PDZD2: variants seen among roughly 807,000 people sequenced by gnomAD.
PDZD2 encodes PDZ domain containing 2.
Under a neutral mutation model 220.7 loss-of-function variants are expected in PDZD2, and 90 were observed. The observed-to-expected ratio is 0.41, with a 90% CI of 0.34 to 0.49. The LOEUF (loss-of-function observed/expected upper bound fraction) is 0.49, where lower values mean the gene tolerates loss of function less well. PDZD2 is among the 20% of genes least tolerant of loss of function. The pLI is 0.28. For missense variants in PDZD2, 3,174 were observed against 3,608.5 expected (o/e 0.88, Z 3.08); for synonymous variants, 1,375 against 1,450.5 (o/e 0.95, Z 1.18).
At chr5:31,752,001 T>C (rs1382734361) in intron 1 of PDZD2, among the ~76,000 whole-genome samples, 1 of 151,530 alleles carries the variant, frequency 6.6e-6, no homozygotes, top group East Asian at 1.9e-4. Flanking sequence ...CATACTCTCC[T>C]CATTTTCTCT....
chr5:31,687,780 G>A (rs761782721), intron 1 of PDZD2, among the ~76,000 whole-genome samples: 2 of 152,224 alleles, frequency 1.3e-5, no homozygotes, highest in Non-Finnish European at 2.9e-5. Context: ...GTGTCCTCAC[G>A]TGGCAGAGAG....
rs201862273 is a variant in PDZD2, at chr5:32,048,590, G to A, written c.1571G>A (p.Arg524Gln). The change falls in exon 8 of 25, where the codon CGG becomes CAG. Residue 524 changes from arginine (R) to glutamine (Q), a missense_variant. Coordinates refer to ENST00000438447, the MANE Select transcript of PDZD2 (RefSeq NM_178140.4). The stretch of plus-strand genomic sequence containing the variant: ...GAAGAATATAACGAGCTGATGGTGC[G>A]GAATGGGGACCCCCGGATCCGGATG... ...SVEEYNELMVRNGDPRIRMLE... is the reference protein window; with the variant it reads ...SVEEYNELMVQNGDPRIRMLE... 5.8e-5 allele frequency: 94 copies of A among 1,613,814 alleles called. No individual in the cohort carries two copies. The highest frequency in any genetic ancestry group is 1.2e-4 in the Admixed American group (7 of 59,998).
chr5:31,799,692 G>A lies in PDZD2; in HGVS notation c.444G>A (p.Gln148=). ...ATGAGATCCTCTCACTGAATGGGCA[G>A]CTGATGGTTGGAGTTGATGTCAGTG... ...LRDEILSLNG[Q]LMVGVDVSGA... The change falls in exon 2 of 25, where the codon CAG becomes CAA. Residue 148 remains glutamine (Q), a synonymous_variant. Coordinates refer to ENST00000438447, the MANE Select transcript of PDZD2 (RefSeq NM_178140.4). 1 of 1,613,810 alleles carries A rather than the reference G, an allele frequency of 6.2e-7. No homozygotes were observed. Among genetic ancestry groups the A allele is most frequent in the Non-Finnish European group, 8.5e-7 (1 of 1,179,786 alleles).
intron 2 of PDZD2, among the ~76,000 whole-genome samples, chr5:31,901,332 C>T (rs1415703205): frequency 6.6e-6 from 1 of 151,574 alleles, no homozygotes; most frequent in African/African-American, 2.4e-5. Context: ...GCGCAAGAAT[C>T]GCTTAAACCT....
chr5:32,088,738 G>A lies in PDZD2; in HGVS notation c.5290G>A (p.Val1764Ile), dbSNP rs1561556358. Residue 1764 changes from valine to isoleucine, a missense_variant, in exon 20 of 25, where the codon GTC (valine) becomes ATC (isoleucine). Coordinates refer to ENST00000438447, the MANE Select transcript of PDZD2 (RefSeq NM_178140.4). This position sits in a 1 kb window ranked among gnomAD's most constrained non-coding sequence, Gnocchi z 4.6. ...AASLSSFSVD[V>I]PKNGESVLEN... ...CAGTCTGTCCTCCTTCAGTGTGGAT[G>A]TCCCTAAGAATGGAGAATCTGTTTT... is the stretch of plus-strand genomic sequence containing the variant. 3 of 1,614,054 alleles carry A rather than the reference G, an allele frequency of 1.9e-6. No homozygotes were observed. Among genetic ancestry groups the A allele is most frequent in the East Asian group, 4.5e-5 (2 of 44,872 alleles).
chr5:31,959,384 A>T (rs1440011537), intron 2 of PDZD2, among the ~76,000 whole-genome samples: 3 of 140,568 alleles, frequency 2.1e-5, no homozygotes, highest in Non-Finnish European at 4.4e-5. Flanking sequence ...TTTGAGACAG[A>T]GTCTCACTCT....
intron 1 of PDZD2, among the ~76,000 whole-genome samples, chr5:31,664,183 T>C (rs1048329879): frequency 5.3e-5 from 8 of 152,096 alleles, no homozygotes; most frequent in African/African-American, 1.9e-4. Context: ...GTTTTGTTTT[T>C]TTGAGATGGG....
intron 1 of PDZD2, among the ~76,000 whole-genome samples, chr5:31,675,251 G>T (rs1746363071): frequency 6.6e-6 from 1 of 152,152 alleles, no homozygotes; most frequent in African/African-American, 2.4e-5. Flanking sequence ...TTGGAGGTAG[G>T]CTGAAGCCCC....
intron 1 of PDZD2, among the ~76,000 whole-genome samples, chr5:31,737,319 C>A (rs936719410): frequency 6.6e-6 from 1 of 151,746 alleles, no homozygotes; most frequent in Non-Finnish European, 1.5e-5. Context: ...ACTACAGGCG[C>A]CCACCACCAC....
intron 1 of PDZD2, among the ~76,000 whole-genome samples, chr5:31,672,777 G>A (rs1383179404): frequency 6.6e-6 from 1 of 152,222 alleles, no homozygotes; most frequent in African/African-American, 2.4e-5. Flanking sequence ...CTGTGCAGTA[G>A]GGTGAGCAGG....
chr5:31,816,286 T>C (rs1755451085), intron 2 of PDZD2, among the ~76,000 whole-genome samples: 1 of 85,678 alleles, frequency 1.2e-5, no homozygotes, highest in Admixed American at 1.0e-4. Context: ...AGACTCCATC[T>C]CAAAAAAAAA....
chr5:31,658,061 G>A (rs771599864), intron 1 of PDZD2, among the ~76,000 whole-genome samples: 36 of 152,134 alleles, frequency 2.4e-4, no homozygotes, highest in Non-Finnish European at 4.8e-4. Context: ...TGTGCTAGCT[G>A]CTAAGCATTT....
intron 20 of PDZD2, 78 bp downstream of exon 20, chr5:32,091,253 C>A: frequency 5.3e-6 from 5 of 936,574 alleles, no homozygotes; most frequent in Non-Finnish European, 7.7e-6. Context: ...AGAAAAGTTG[C>A]AAAGATAATG....
At chr5:31,842,647 G>A (rs1230770274) in intron 2 of PDZD2, among the ~76,000 whole-genome samples, 1 of 152,056 alleles carries the variant, frequency 6.6e-6, no homozygotes, top group Admixed American at 6.5e-5. Flanking sequence ...TTGCGGAGTG[G>A]GTAAAATAAT....
intron 1 of PDZD2, among the ~76,000 whole-genome samples, chr5:31,714,325 A>G (rs184450151): frequency 1.0e-3 from 155 of 152,216 alleles, no homozygotes; most frequent in African/African-American, 3.6e-3. Flanking sequence ...GTGATTCCTA[A>G]TGCTGTATCT....
intron 1 of PDZD2, among the ~76,000 whole-genome samples, chr5:31,783,243 T>C (rs1384561911): frequency 1.3e-5 from 2 of 152,034 alleles, no homozygotes; most frequent in East Asian, 3.9e-4. Context: ...ACCAGAAGCA[T>C]GCACGCGTCT....
At chr5:32,086,732 A>G (rs952622527) in intron 19 of PDZD2, among the ~76,000 whole-genome samples, 2 of 151,962 alleles carry the variant, frequency 1.3e-5, no homozygotes, top group Non-Finnish European at 2.9e-5. Flanking sequence ...GCTGCAGTGC[A>G]ATGGCACATT....
rs1346464097 is a variant in PDZD2 at position 31,639,163 on chromosome 5, A to C, written c.-635A>C. On this transcript the variant is annotated 5_prime_UTR_variant, in exon 1 of 25. Coordinates refer to ENST00000438447, the MANE Select transcript of PDZD2 (RefSeq NM_178140.4). The surrounding 1 kb of genome is among the most constrained non-coding windows in gnomAD (Gnocchi z 4.1). ...GGCGGATCCCCTGCGCAGCGAGGCG[A>C]GGAGCGGACCCCAGCGCCGGTGCGT... Among the ~76,000 whole-genome samples, 4 of 152,010 alleles carry C rather than the reference A, an allele frequency of 2.6e-5. No homozygotes were observed. The highest frequency in any genetic ancestry group is 4.4e-5 in the Non-Finnish European group (3 of 67,958).
chr5:31,747,346 C>T (rs557174955), intron 1 of PDZD2, among the ~76,000 whole-genome samples: 2 of 152,136 alleles, frequency 1.3e-5, no homozygotes, highest in African/African-American at 2.4e-5. Context: ...GGAAATGGAG[C>T]GGAGGGAACC....
Sources: gnomAD v4.1 joint callset for allele counts (sites outside exome capture counted in the v4.1 genomes callset) on GRCh38, gnomAD v4.1.1 for gene constraint, Gnocchi (gnomAD v3.1) non-coding constraint, MANE v1.5 for transcripts, NCBI Gene and HGNC (gene_info 2026-07-23, HGNC 2026-07-21) for gene names.